CNTNAP2: variants seen among roughly 807,000 people sequenced by gnomAD.
The protein encoded by CNTNAP2 is contactin associated protein 2, also known as contactin-associated protein-like 2.
Under a neutral mutation model 155.2 loss-of-function variants are expected in CNTNAP2, and 98 were observed. The ratio of observed to expected loss-of-function variants is 0.63; its 90% CI spans 0.54 to 0.75. CNTNAP2 has a LOEUF of 0.75. CNTNAP2 is among the 30% of genes least tolerant of loss of function. The probability of loss-of-function intolerance (pLI) is 0.00; values close to 1 mark genes in which losing one functional copy is unlikely to be tolerated. For missense variants in CNTNAP2, 1,727 were observed against 1,688.1 expected (o/e 1.02, Z -0.40); for synonymous variants, 651 against 631.2 (o/e 1.03, Z -0.47).
intron 4 of CNTNAP2, among the ~76,000 whole-genome samples, chr7:147,072,278 T>C (rs1258281940): frequency 6.6e-6 from 1 of 151,082 alleles, no homozygotes; most frequent in African/African-American, 2.4e-5. Flanking sequence ...GGCTGGAGAG[T>C]TGACAAATCC....
intron 8 of CNTNAP2, among the ~76,000 whole-genome samples, chr7:147,275,535 C>G (rs945410878): frequency 3.9e-5 from 6 of 151,978 alleles, no homozygotes; most frequent in African/African-American, 1.4e-4. Flanking sequence ...ATTTTGTATC[C>G]TGAAACCTTA....
intron 2 of CNTNAP2, among the ~76,000 whole-genome samples, chr7:146,838,157 A>G (rs1803653421): frequency 6.6e-6 from 1 of 152,090 alleles, no homozygotes; most frequent in Non-Finnish European, 1.5e-5. Flanking sequence ...GCACTGCTGA[A>G]CTCTGTTTGG....
intron 1 of CNTNAP2, among the ~76,000 whole-genome samples, chr7:146,465,556 G>A (rs1213302591): frequency 6.6e-6 from 1 of 152,150 alleles, no homozygotes; most frequent in African/African-American, 2.4e-5. Context: ...TAGTCTGTTT[G>A]AATCATCAAA....
At chr7:147,786,981 A>G (rs995453375) in intron 13 of CNTNAP2, among the ~76,000 whole-genome samples, 4 of 151,546 alleles carry the variant, frequency 2.6e-5, no homozygotes, top group African/African-American at 9.7e-5. Flanking sequence ...AGAAGGAAAG[A>G]AGGGAGGGAG....
intron 1 of CNTNAP2, among the ~76,000 whole-genome samples, chr7:146,528,733 A>G (rs1274447648): frequency 7.2e-5 from 11 of 152,174 alleles, no homozygotes; most frequent in Admixed American, 7.2e-4. Context: ...CATAGTCATC[A>G]ATGGTGTTTA....
intron 9 of CNTNAP2, among the ~76,000 whole-genome samples, chr7:147,332,509 G>T (rs1795589843): frequency 6.6e-6 from 1 of 152,034 alleles, no homozygotes; most frequent in African/African-American, 2.4e-5. Context: ...AAACTGTTTA[G>T]CAGGGCCTCC....
chr7:148,299,082 C>T (rs1262063085), intron 21 of CNTNAP2, among the ~76,000 whole-genome samples: 2 of 151,898 alleles, frequency 1.3e-5, no homozygotes, highest in African/African-American at 4.8e-5. Flanking sequence ...TCTCTGCCTC[C>T]CAGGTTCACG....
At chr7:146,743,379 C>T (rs1389515314) in intron 1 of CNTNAP2, among the ~76,000 whole-genome samples, 1 of 152,040 alleles carries the variant, frequency 6.6e-6, no homozygotes, top group Non-Finnish European at 1.5e-5. Flanking sequence ...AGGTTGACAC[C>T]ATGGAGTTAT....
intron 4 of CNTNAP2, among the ~76,000 whole-genome samples, chr7:147,093,842 A>T (rs1800466741): frequency 6.6e-6 from 1 of 152,208 alleles, no homozygotes; most frequent in Non-Finnish European, 1.5e-5. Flanking sequence ...CAAGTTGTGT[A>T]CTTCGAAAAT....
intron 10 of CNTNAP2, 35 bp from the exon 11 acceptor site, chr7:147,485,900 G>A (rs369198992): frequency 1.4e-5 from 22 of 1,602,436 alleles, no homozygotes; most frequent in Non-Finnish European, 1.7e-5. Flanking sequence ...TCATTTGTTT[G>A]TTGGTTTATT....
At chr7:147,268,104 T>C (rs909580676) in intron 8 of CNTNAP2, among the ~76,000 whole-genome samples, 25 of 152,182 alleles carry the variant, frequency 1.6e-4, no homozygotes, top group Non-Finnish European at 3.2e-4. Flanking sequence ...ATATAAGCAT[T>C]ACAGTCCAAA....
chr7:148,009,615 G>A (rs1296308835), intron 15 of CNTNAP2, among the ~76,000 whole-genome samples: 1 of 151,952 alleles, frequency 6.6e-6, no homozygotes, highest in East Asian at 1.9e-4. Flanking sequence ...TGCAAAGCAA[G>A]GACTGCCTCT....
rs1554480197 is a variant in CNTNAP2 at position 147,402,967 on chromosome 7, A to AAC, written c.1670+7188_1670+7189insCA. ...AAATAATCCTGAAAAAAAAAAAAAA[A>AAC]AAAACTAGTTTAGGTCAGACATGCC... is the stretch of plus-strand genomic sequence containing the variant. On this transcript the variant is annotated intron_variant, in intron 10 of 23. Transcript: ENST00000361727. 7.1e-4 allele frequency among the ~76,000 whole-genome samples: 104 copies of AAC among 145,912 alleles called. 2 individuals carry two copies. The highest frequency in any genetic ancestry group is 1.1e-3 in the Admixed American group (16 of 14,686).
intron 10 of CNTNAP2, among the ~76,000 whole-genome samples, chr7:147,409,726 A>G (rs1797070640): frequency 6.6e-6 from 1 of 152,168 alleles, no homozygotes; most frequent in Non-Finnish European, 1.5e-5. Context: ...TCCCACTAAA[A>G]AGTGGGCAAA....
intron 21 of CNTNAP2, among the ~76,000 whole-genome samples, chr7:148,320,982 T>C (rs1259893684): frequency 6.6e-6 from 1 of 152,178 alleles, no homozygotes; most frequent in Non-Finnish European, 1.5e-5. Context: ...GTTCATGTGA[T>C]ACATACGCTT....
chr7:147,199,641 G>GT (rs1000823946), intron 8 of CNTNAP2, among the ~76,000 whole-genome samples: 13 of 150,730 alleles, frequency 8.6e-5, no homozygotes, highest in Admixed American at 7.9e-4. Flanking sequence ...GCTTGTTGTT[G>GT]TTTTTTATTG....
chr7:147,806,745 C>A (rs892406387), intron 13 of CNTNAP2, among the ~76,000 whole-genome samples: 1 of 152,104 alleles, frequency 6.6e-6, no homozygotes, highest in African/African-American at 2.4e-5. Context: ...ATAAGCCAGG[C>A]ACCAAAAGGC....
At chr7:147,605,873 C>G (rs539046743) in intron 12 of CNTNAP2, among the ~76,000 whole-genome samples, 1 of 151,966 alleles carries the variant, frequency 6.6e-6, no homozygotes. Flanking sequence ...TTCTCTTTCT[C>G]TCTGTCCCTC....
chr7:146,870,347 A>G (rs1166103619), intron 3 of CNTNAP2, among the ~76,000 whole-genome samples: 1 of 151,782 alleles, frequency 6.6e-6, no homozygotes, highest in Admixed American at 6.6e-5. Context: ...CATCTCTTCT[A>G]GGTTTTCTAG....
Sources: gnomAD v4.1 joint callset for allele counts (sites outside exome capture counted in the v4.1 genomes callset) on GRCh38, gnomAD v4.1.1 for gene constraint, MANE v1.5 for transcripts, NCBI Gene and HGNC (gene_info 2026-07-23, HGNC 2026-07-21) for gene names.